The following USP16 variants were observed in gnomAD, a reference collection of about 807,000 sequenced individuals.
USP16 encodes ubiquitin specific peptidase 16, also known as ubiquitin carboxyl-terminal hydrolase 16.
In USP16, 77 loss-of-function variants were observed where a neutral mutation model predicts 95.9. The observed-to-expected ratio is 0.80, with a 90% CI of 0.67 to 0.97. The LOEUF is 0.97. Ranked by LOEUF, USP16 falls within the 50% of genes least tolerant of loss-of-function variation. The probability of loss-of-function intolerance (pLI) is 0.00; values close to 1 mark genes in which losing one functional copy is unlikely to be tolerated. For missense variants in USP16, 943 were observed against 959.9 expected (o/e 0.98, Z 0.23); for synonymous variants, 303 against 318.2 (o/e 0.95, Z 0.51).
chr21:29,046,591 T>C, intron 13 of USP16, 76 bp from the exon 14 acceptor site: 2 of 1,438,596 alleles, frequency 1.4e-6, no homozygotes. Context: ...TTGTCCTTCT[T>C]CCTCTATCTC....
chr21:29,050,255 A>C, intron 16 of USP16, 77 bp downstream of exon 16: 5 of 1,298,332 alleles, frequency 3.9e-6, no homozygotes, highest in Non-Finnish European at 5.4e-6. Context: ...GTAGCAACTC[A>C]CTTAAGTATG....
intron 6 of USP16, 64 bp downstream of exon 6, chr21:29,037,527 A>C: frequency 7.7e-7 from 1 of 1,301,714 alleles, no homozygotes; most frequent in Non-Finnish European, 1.0e-6. Context: ...TGCTACTTAC[A>C]TTATTGAGTT....
rs1427757495 is a variant in USP16, at chr21:29,046,020, C to G, written c.1357-647C>G. The stretch of plus-strand genomic sequence containing the variant: ...TGTATTTTTAGTAGAGATGGGTTTT[C>G]ACCATGTTGGCCAGGCTGGTTTCAA... On this transcript the variant is annotated intron_variant, in intron 13 of 17. Transcript: ENST00000399976. Among the ~76,000 whole-genome samples, 3 of 152,290 alleles carry G rather than the reference C, an allele frequency of 2.0e-5. No individual in the cohort carries two copies. The East Asian group carries it at 5.8e-4, about 29-fold the overall frequency.
intron 1 of USP16, chr21:29,025,713 T>G: frequency 2.0e-6 from 2 of 983,848 alleles, no homozygotes; most frequent in Non-Finnish European, 2.4e-6. Flanking sequence ...CACCAGAACT[T>G]GTTTGCTTCA....
chr21:29,049,261 A>G (rs2085377737), intron 15 of USP16, among the ~76,000 whole-genome samples: 1 of 151,912 alleles, frequency 6.6e-6, no homozygotes, highest in Non-Finnish European at 1.5e-5. Flanking sequence ...CATTTTGGTG[A>G]CCTCATCTTT....
chr21:29,028,742 A>T (rs1197761957), intron 2 of USP16, among the ~76,000 whole-genome samples: 1 of 152,126 alleles, frequency 6.6e-6, no homozygotes, highest in Non-Finnish European at 1.5e-5. Flanking sequence ...ACCTTCAACA[A>T]CATTTTTAAT....
Position 29,030,704 on chromosome 21 carries a change from G to A in USP16, c.171G>A (p.Val57=). 6.2e-7 allele frequency: 1 copy of A among 1,613,940 alleles called. No homozygotes were observed. Among genetic ancestry groups the A allele is most frequent in the African/African-American group, 1.3e-5 (1 of 75,056 alleles). Residue 57 remains valine (V), a synonymous_variant, in exon 3 of 18, where the codon GTG becomes GTA. Coordinates refer to ENST00000399976, the MANE Select transcript of USP16 (RefSeq NM_006447.3). The part of the protein sequence containing the change: ...ICQDCKTDNK[V]KDKAEEETEE... ...AAGACTGTAAGACTGACAATAAAGT[G>A]AAAGATAAAGCTGAAGAAGAAACAG...
rs2085329676 is a variant in USP16, at chr21:29,046,761, A to C, written c.1451A>C (p.Glu484Ala). 6.2e-6 allele frequency: 10 copies of C among 1,613,970 alleles called. No individual in the cohort carries two copies. Among genetic ancestry groups the C allele is most frequent in the Non-Finnish European group, 8.5e-6 (10 of 1,180,006 alleles). ...DHPEDSEYEAEMSLQGEVNIK... is the reference protein window; with the variant it reads ...DHPEDSEYEAAMSLQGEVNIK... ...CCTGAAGACAGTGAATATGAAGCTGAAATGTCACTTCAAGGAGAAGTAAAT... is the reference window on the plus strand; with the variant it reads ...CCTGAAGACAGTGAATATGAAGCTGCAATGTCACTTCAAGGAGAAGTAAAT... The change falls in exon 14 of 18, where the codon GAA becomes GCA. Residue 484 changes from glutamate (E) to alanine (A), a missense_variant. Coordinates refer to ENST00000399976, the MANE Select transcript of USP16 (RefSeq NM_006447.3).
In USP16 at chr21:29,028,005, T is replaced by C. The variant is rs535656050; in HGVS notation, c.61+31T>C. ...TTTCATTGATTGAATCTTTAATGTT[T>C]ATATCTCTAAATGAATATGTTTTAA... On this transcript the variant is annotated intron_variant, in intron 2 of 17. Coordinates refer to ENST00000399976, the MANE Select transcript of USP16 (RefSeq NM_006447.3). 6.7e-6 allele frequency: 10 copies of C among 1,494,540 alleles called. No homozygotes were observed. In the South Asian group the frequency reaches 8.0e-5, roughly 12 times the overall value. 92.6% of individuals were successfully genotyped at this position (1,494,540 alleles called of 1,614,324 possible).
intron 17 of USP16, 31 bp downstream of exon 17, chr21:29,053,989 G>A: frequency 6.2e-7 from 1 of 1,613,100 alleles, no homozygotes; most frequent in African/African-American, 1.3e-5. Context: ...CAGGCACTCA[G>A]CAGATTACGG....
chr21:29,041,828 A>G (rs2085247796), intron 10 of USP16, among the ~76,000 whole-genome samples, 185 bp from the exon 11 acceptor site: 1 of 152,176 alleles, frequency 6.6e-6, no homozygotes, highest in Non-Finnish European at 1.5e-5. Flanking sequence ...TTATGCTCAG[A>G]GGTGGAATAT....
chr21:29,032,151 C>T (rs2085086675), intron 3 of USP16, among the ~76,000 whole-genome samples: 1 of 152,190 alleles, frequency 6.6e-6, no homozygotes, highest in African/African-American at 2.4e-5. Context: ...CCATTCTATT[C>T]TGTATTTCTA....
intron 15 of USP16, among the ~76,000 whole-genome samples, chr21:29,049,561 AGTT>A (rs1019593049): frequency 3.3e-5 from 5 of 152,242 alleles, no homozygotes; most frequent in Non-Finnish European, 7.4e-5. Flanking sequence ...TCACGAGAAA[AGTT>A]GTTTTTCTTC....
chr21:29,046,228 T>C lies in USP16; in HGVS notation c.1357-439T>C, dbSNP rs139938528. On this transcript the variant is annotated intron_variant, in intron 13 of 17. Transcript: ENST00000399976. ...CATACCTCACAGTAACCTTGAACTT[T>C]TGGGCTCAAGTGATCCTCCCACCTC... Among the ~76,000 whole-genome samples, 742 of 152,278 alleles carry C rather than the reference T, an allele frequency of 4.9e-3. 4 individuals carry two copies. The highest frequency in any genetic ancestry group is 0.017 in the African/African-American group (716 of 41,564).
In USP16 at chr21:29,036,141, G is replaced by C. The variant is rs185548585; in HGVS notation, c.345-130G>C. ...ATGCATAGTCTTCTTCAGGAAAACA[G>C]AATTTTTACGTTCGGTTTCTTTAAT... is the stretch of plus-strand genomic sequence containing the variant. On this transcript the variant is annotated intron_variant, in intron 4 of 17. Transcript: ENST00000399976. 17 of 719,640 alleles carry C rather than the reference G, an allele frequency of 2.4e-5. No individual in the cohort carries two copies. The African/African-American group carries it at 2.7e-4, about 11-fold the overall frequency. 44.6% of individuals were successfully genotyped at this position (719,640 alleles called of 1,614,324 possible). A position where few individuals can be genotyped will look rare whatever the true frequency, so the allele number is the denominator to read the frequency against.
Position 29,046,931 on chromosome 21 carries a change from A to G in USP16, c.1621A>G (p.Asn541Asp), listed in dbSNP as rs779790431. The change falls in exon 14 of 18, where the codon AAC (asparagine) becomes GAC (aspartate). Residue 541 changes from asparagine (N) to aspartate (D), a missense_variant. Transcript: ENST00000399976. The stretch of plus-strand genomic sequence containing the variant: ...AGAGGAAGTAGATATGAAAAATATC[A>G]ACATGGATAATGATCTGGAGGTTTT... ...STEEVDMKNI[N>D]MDNDLEVLTS... The G allele has an allele frequency of 6.2e-6, 10 of 1,614,190 alleles. No homozygotes were observed. In the East Asian group the frequency reaches 1.3e-4, roughly 22 times the overall value.
At chr21:29,046,628 T>A (rs754398166) in intron 13 of USP16, 39 bp from the exon 14 acceptor site, 1 of 1,547,892 alleles carries the variant, frequency 6.5e-7, no homozygotes, top group East Asian at 2.3e-5. Flanking sequence ...CCGCTCTTTC[T>A]TTTTCTTTAT....
intron 11 of USP16, among the ~76,000 whole-genome samples, 169 bp from the exon 12 acceptor site, chr21:29,042,303 C>T (rs1156521619): frequency 6.6e-6 from 1 of 152,048 alleles, no homozygotes; most frequent in Non-Finnish European, 1.5e-5. Flanking sequence ...GATTTATTTC[C>T]CCCAACCCAA....
chr21:29,042,659 G>A, intron 12 of USP16, 131 bp downstream of exon 12: 4 of 707,654 alleles, frequency 5.7e-6, no homozygotes, highest in South Asian at 1.9e-5. Context: ...ATTTGAGGTA[G>A]AATGCATTTT....
Sources: gnomAD v4.1 joint callset for allele counts (sites outside exome capture counted in the v4.1 genomes callset) on GRCh38, gnomAD v4.1.1 for gene constraint, MANE v1.5 for transcripts, NCBI Gene and HGNC (gene_info 2026-07-23, HGNC 2026-07-21) for gene names.